Variants in CHM observed in about 807,000 individuals in gnomAD.
CHM encodes the protein rab proteins geranylgeranyltransferase component A 1.
In CHM, 10 loss-of-function variants were observed where a neutral mutation model predicts 49.0. The ratio of observed to expected loss-of-function variants is 0.20; its 90% CI spans 0.13 to 0.35. The LOEUF is 0.35. CHM is among the 10% of genes least tolerant of loss of function. The pLI, the probability that CHM is intolerant of heterozygous loss-of-function variation, is 1.00. For missense variants in CHM, 455 were observed against 478.4 expected, an observed-to-expected ratio of 0.95 and a Z score of 0.46; for synonymous variants, 184 against 167.5, an observed-to-expected ratio of 1.10 and a Z score of -0.76.
chrX:86,009,029 C>G (rs1200348590), intron 2 of CHM, among the ~76,000 whole-genome samples: 1 of 112,142 alleles, frequency 8.9e-6, no homozygotes, highest in Admixed American at 9.5e-5. Flanking sequence ...CTTTCATATA[C>G]TAATCCTCAT....
chrX:86,040,725 G>T (rs959219610), intron 1 of CHM, among the ~76,000 whole-genome samples: 52 of 111,700 alleles, frequency 4.7e-4, no homozygotes, highest in African/African-American at 1.5e-3. Flanking sequence ...ATGATAACAT[G>T]CTAGCTCTCA....
At chrX:85,958,418 C>T (rs1183592772) in intron 6 of CHM, among the ~76,000 whole-genome samples, 1 of 111,718 alleles carries the variant, frequency 9.0e-6, no homozygotes, top group African/African-American at 3.3e-5. Context: ...CAAAGCTCTG[C>T]TCTTCTGGAA....
At chrX:86,047,279 A>G (rs1300021373) in intron 1 of CHM, 2 of 479,077 alleles carry the variant, frequency 4.2e-6, no homozygotes, top group Non-Finnish European at 7.5e-6. Flanking sequence ...ATCAACCCCT[A>G]CTCAAATGGC....
intron 8 of CHM, among the ~76,000 whole-genome samples, chrX:85,955,500 G>A (rs1929963308): frequency 8.9e-6 from 1 of 112,307 alleles, no homozygotes; most frequent in African/African-American, 3.2e-5. Context: ...CAACTTCATA[G>A]GTAATTAGGG....
At chrX:85,946,500 C>T (rs1222543641) in intron 8 of CHM, among the ~76,000 whole-genome samples, 1 of 112,053 alleles carries the variant, frequency 8.9e-6, no homozygotes, top group Admixed American at 9.4e-5. Context: ...CTGGTCGCTA[C>T]TTCAGAGGGT....
rs1431772522 is a variant in CHM at position 85,863,149 on chromosome X, G to A, written c.*1481C>T. ...GCTCTGTCACCCAGGCTGGAGTGCA[G>A]TGGCAAAATCTTGGCTCACTGCAAC... is the stretch of plus-strand genomic sequence containing the variant. On this transcript the variant is annotated 3_prime_UTR_variant, in exon 15 of 15. Coordinates refer to ENST00000357749, the MANE Select transcript of CHM (RefSeq NM_000390.4). 1 of 108,642 alleles carries A rather than the reference G, an allele frequency of 9.2e-6. No homozygotes were observed. The highest frequency in any genetic ancestry group is 3.4e-5 in the African/African-American group (1 of 29,515). The allele number at this position is 108,642 out of a possible 1,213,427, so 9.0% of individuals were successfully genotyped here.
chrX:85,901,425 A>T (rs2148154698), intron 9 of CHM, among the ~76,000 whole-genome samples: 1 of 111,293 alleles, frequency 9.0e-6, no homozygotes, highest in Non-Finnish European at 1.9e-5. Flanking sequence ...CAACTTAAAC[A>T]TGTATTTTGA....
At chrX:85,903,336 CTGAGTG>C (rs1292906929) in intron 9 of CHM, among the ~76,000 whole-genome samples, 2 of 110,504 alleles carry the variant, frequency 1.8e-5, no homozygotes, top group African/African-American at 3.3e-5. Context: ...AATCTCAGAC[CTGAGTG>C]TAAGTCTTTA....
chrX:86,021,118 GTATATACGTA>G (rs1933556050), intron 2 of CHM, among the ~76,000 whole-genome samples: 1 of 35,915 alleles, frequency 2.8e-5, no homozygotes, highest in Non-Finnish European at 4.7e-5. Flanking sequence ...ATATATATGT[GTATATACGTA>G]TATATATATA....
intron 1 of CHM, among the ~76,000 whole-genome samples, chrX:86,040,135 T>G (rs771161333): frequency 8.9e-6 from 1 of 112,236 alleles, no homozygotes; most frequent in Non-Finnish European, 1.9e-5. Flanking sequence ...GAGGGCCCAC[T>G]GAGCTGTTAA....
rs772623293 is a variant in CHM at position 85,861,401 on chromosome X, T to C, written c.*3229A>G. 4 of 111,817 alleles carry C rather than the reference T, an allele frequency of 3.6e-5. No homozygotes were observed. The South Asian group carries it at 1.5e-3, about 42-fold the overall frequency. 9.2% of individuals were successfully genotyped at this position (111,817 alleles called of 1,213,427 possible). On this transcript the variant is annotated 3_prime_UTR_variant, in exon 15 of 15. Transcript: ENST00000357749. Reference sequence around the variant, plus strand: ...GCAATTAAATTTCAACACATTTTTTTTGGAACTCTTTAGGACTTTAGACAA... The same window carrying C: ...GCAATTAAATTTCAACACATTTTTTCTGGAACTCTTTAGGACTTTAGACAA...
chrX:85,964,159 T>C (rs780043016), intron 4 of CHM, 107 bp from the exon 5 acceptor site: 11 of 654,716 alleles, frequency 1.7e-5, no homozygotes, highest in African/African-American at 4.5e-5. Flanking sequence ...CATTAAACAT[T>C]CATCTGTTAA....
At chrX:85,900,947 A>T in intron 10 of CHM, 137 bp downstream of exon 10, 1 of 535,841 alleles carries the variant, frequency 1.9e-6, no homozygotes, top group Admixed American at 3.2e-5. Flanking sequence ...CTTCCCTAAA[A>T]CCAGACCCTG....
At position 85,901,201 on chromosome X, in the gene CHM, T is replaced by C. The variant is rs756501021; in HGVS notation, c.1245-13A>G. 1 of 1,008,398 alleles carries C rather than the reference T, an allele frequency of 9.9e-7. No homozygotes were observed. The highest frequency in any genetic ancestry group is 1.4e-6 in the Non-Finnish European group (1 of 726,297). The allele number at this position is 1,008,398 out of a possible 1,213,427, so 83.1% of individuals were successfully genotyped here. On this transcript the variant is annotated splice_polypyrimidine_tract_variant and intron_variant, in intron 9 of 14. Coordinates refer to ENST00000357749, the MANE Select transcript of CHM (RefSeq NM_000390.4). ...AATTGCTTTACATCTATAAAGAAGATAAGCATACCATAAAAGTTCATATTA... is the reference window on the plus strand; with the variant it reads ...AATTGCTTTACATCTATAAAGAAGACAAGCATACCATAAAAGTTCATATTA...
At chrX:86,031,379 G>C (rs555649939) in intron 1 of CHM, among the ~76,000 whole-genome samples, 4 of 111,805 alleles carry the variant, frequency 3.6e-5, no homozygotes, top group African/African-American at 1.3e-4. Flanking sequence ...AGAGGTTGAA[G>C]CCAAATTATA....
intron 8 of CHM, among the ~76,000 whole-genome samples, chrX:85,942,001 T>C (rs1216647889): frequency 9.0e-6 from 1 of 111,680 alleles, no homozygotes; most frequent in Non-Finnish European, 1.9e-5. Context: ...CTATGAGGTA[T>C]GTACTATTAT....
chrX:85,956,409 A>T (rs1930012195), intron 7 of CHM, 31 bp from the exon 8 acceptor site: 1 of 1,187,423 alleles, frequency 8.4e-7, no homozygotes, highest in Non-Finnish European at 1.1e-6. Context: ...ATCACTTAAA[A>T]TCAGAACTAA....
chrX:85,936,258 ATAAAT>A (rs1018553904), intron 8 of CHM, among the ~76,000 whole-genome samples: 3 of 112,436 alleles, frequency 2.7e-5, no homozygotes, highest in Admixed American at 9.4e-5. Flanking sequence ...TCTATAATAT[ATAAAT>A]TAATCTTTCA....
chrX:86,007,814 A>G (rs2147760747), intron 2 of CHM, among the ~76,000 whole-genome samples: 1 of 112,397 alleles, frequency 8.9e-6, no homozygotes, highest in African/African-American at 3.2e-5. Context: ...TGATGGGAGT[A>G]TAAACTAGTT....
Sources: gnomAD v4.1 joint callset for allele counts (sites outside exome capture counted in the v4.1 genomes callset) on GRCh38, gnomAD v4.1.1 for gene constraint, MANE v1.5 for transcripts, NCBI Gene and HGNC (gene_info 2026-07-23, HGNC 2026-07-21) for gene names.